The following AOPEP variants were observed in gnomAD, a reference collection of about 807,000 sequenced individuals.
AOPEP encodes the protein aminopeptidase O (putative), also known as aminopeptidase O.
AOPEP carries 77 observed loss-of-function variants against 98.1 expected under a neutral mutation model. That is an observed-to-expected ratio of 0.78 (90% confidence interval 0.65 to 0.95). The LOEUF is 0.95. Among genes scored for constraint, AOPEP ranks in the 40% least tolerant of loss-of-function variants. The pLI, the probability that AOPEP is intolerant of heterozygous loss-of-function variation, is 0.00. For missense variants in AOPEP, 1,024 were observed against 1,024.7 expected, an observed-to-expected ratio of 1.00 and a Z score of 0.01; for synonymous variants, 346 against 365.3, an observed-to-expected ratio of 0.95 and a Z score of 0.60.
chr9:94,912,034 G>A (rs1471242106), intron 5 of AOPEP, among the ~76,000 whole-genome samples: 1 of 152,156 alleles, frequency 6.6e-6, no homozygotes, highest in Non-Finnish European at 1.5e-5. Context: ...CAGCAGCATA[G>A]ATTTCAGCCC....
At chr9:95,083,657 C>T (rs879520241) in intron 16 of AOPEP, among the ~76,000 whole-genome samples, 6 of 150,748 alleles carry the variant, frequency 4.0e-5, no homozygotes, top group Non-Finnish European at 8.9e-5. Context: ...AGCGCGTGCA[C>T]CACACAGAGC....
At chr9:95,107,989 C>G in the AOPEP span, among the ~76,000 whole-genome samples, 1 of 152,186 alleles carries the variant, frequency 6.6e-6, no homozygotes, top group Non-Finnish European at 1.5e-5. Flanking sequence ...CCAGTCGTGA[C>G]TTGGAAAACA....
At chr9:94,976,949 G>A (rs968057628) in intron 10 of AOPEP, among the ~76,000 whole-genome samples, 38 of 152,332 alleles carry the variant, frequency 2.5e-4, no homozygotes, top group African/African-American at 8.7e-4. Context: ...TTACAGGCGT[G>A]AGCCACTGTG....
the AOPEP span, chr9:95,111,419 C>T: frequency 6.2e-7 from 1 of 1,601,478 alleles, no homozygotes; most frequent in Non-Finnish European, 8.5e-7. Flanking sequence ...CTCTCAGCCC[C>T]CCAGAGCCCA....
chr9:95,105,953 A>T, the AOPEP span, among the ~76,000 whole-genome samples: 26 of 152,346 alleles, frequency 1.7e-4, no homozygotes, highest in South Asian at 5.4e-3. Context: ...ATGGCCCTCC[A>T]GCCCCTGCTT....
At chr9:94,768,173 C>G (rs1840045440) in intron 2 of AOPEP, among the ~76,000 whole-genome samples, 1 of 152,116 alleles carries the variant, frequency 6.6e-6, no homozygotes, top group Non-Finnish European at 1.5e-5. Context: ...GCATCTGTGG[C>G]CCACCCTCCC....
At chr9:95,024,921 T>TC (rs775864694) in intron 13 of AOPEP, among the ~76,000 whole-genome samples, 28 of 152,308 alleles carry the variant, frequency 1.8e-4, no homozygotes, top group Admixed American at 8.5e-4. Context: ...AACCTTTTTT[T>TC]CCCCTTAGGC....
At chr9:95,099,426 G>A in the AOPEP span, 1 of 226,132 alleles carries the variant, frequency 4.4e-6, no homozygotes, top group Non-Finnish European at 8.7e-6. Context: ...AGGCCCCCTC[G>A]GCCACGCCGC....
intron 7 of AOPEP, among the ~76,000 whole-genome samples, chr9:94,947,519 G>A (rs1347794549): frequency 6.6e-6 from 1 of 152,152 alleles, no homozygotes; most frequent in Non-Finnish European, 1.5e-5. Context: ...TGAGATTACA[G>A]GCTTGGGCCC....
intron 6 of AOPEP, among the ~76,000 whole-genome samples, chr9:94,927,316 T>C (rs1042605812): frequency 1.3e-5 from 2 of 152,210 alleles, no homozygotes; most frequent in Non-Finnish European, 2.9e-5. Flanking sequence ...GGGTAAGGCC[T>C]TCAACACATA....
chr9:94,855,918 G>C (rs1263961695), intron 5 of AOPEP, among the ~76,000 whole-genome samples: 3 of 152,132 alleles, frequency 2.0e-5, no homozygotes, highest in Admixed American at 6.5e-5. Flanking sequence ...CAAAGGACAG[G>C]CATGCTCCTA....
At chr9:94,899,179 C>CTTTTGTTT (rs2050025971) in intron 5 of AOPEP, among the ~76,000 whole-genome samples, 1 of 59,732 alleles carries the variant, frequency 1.7e-5, no homozygotes, top group Non-Finnish European at 2.8e-5. Flanking sequence ...TCTTCATTTG[C>CTTTTGTTT]TTTTTTTTTT....
chr9:94,741,059 A>G (rs1364957210), intron 1 of AOPEP, among the ~76,000 whole-genome samples: 4 of 151,898 alleles, frequency 2.6e-5, no homozygotes, highest in Admixed American at 6.6e-5. Context: ...TGAGTGAGAA[A>G]GTGTTTCTCT....
intron 10 of AOPEP, among the ~76,000 whole-genome samples, chr9:94,978,668 C>T (rs2059995421): frequency 1.3e-5 from 2 of 152,090 alleles, no homozygotes; most frequent in Admixed American, 6.5e-5. Context: ...GTGCTTTAAG[C>T]TGCATTAGCC....
chr9:94,735,295 A>G (rs1378095829), intron 1 of AOPEP, among the ~76,000 whole-genome samples: 1 of 152,124 alleles, frequency 6.6e-6, no homozygotes, highest in Non-Finnish European at 1.5e-5. Context: ...ATCTCGGCTC[A>G]CTGCAAGCTC....
At chr9:95,012,172 G>A (rs1039897483) in intron 13 of AOPEP, among the ~76,000 whole-genome samples, 1 of 152,184 alleles carries the variant, frequency 6.6e-6, no homozygotes, top group Non-Finnish European at 1.5e-5. Context: ...CTATAAAAAA[G>A]AATGCTTTGG....
intron 5 of AOPEP, among the ~76,000 whole-genome samples, chr9:94,825,290 C>T (rs892550624): frequency 5.9e-5 from 9 of 152,202 alleles, no homozygotes; most frequent in East Asian, 1.9e-4. Context: ...AGACCAGCCC[C>T]GCATCCTGCT....
At chr9:95,067,125 T>A (rs151308052) in intron 14 of AOPEP, among the ~76,000 whole-genome samples, 1 of 151,468 alleles carries the variant, frequency 6.6e-6, no homozygotes, top group East Asian at 2.3e-4. Context: ...ATGTACACCA[T>A]CTTTGCTCTC....
At chr9:94,898,930 G>C (rs2049976304) in intron 5 of AOPEP, among the ~76,000 whole-genome samples, 1 of 151,972 alleles carries the variant, frequency 6.6e-6, no homozygotes, top group African/African-American at 2.4e-5. Flanking sequence ...GCGACAGAGC[G>C]AGCCTGGGCA....
Sources: gnomAD v4.1 joint callset for allele counts (sites outside exome capture counted in the v4.1 genomes callset) on GRCh38, gnomAD v4.1.1 for gene constraint, MANE v1.5 for transcripts, NCBI Gene and HGNC (gene_info 2026-07-23, HGNC 2026-07-21) for gene names.